Variants in MGAT5 observed in about 807,000 individuals in gnomAD.
MGAT5 encodes the protein alpha-1,6-mannosylglycoprotein 6-beta-N-acetylglucosaminyltransferase A.
Under a neutral mutation model 94.3 loss-of-function variants are expected in MGAT5, and 30 were observed. The ratio of observed to expected loss-of-function variants is 0.32; its 90% confidence interval spans 0.24 to 0.43. The LOEUF (loss-of-function observed/expected upper bound fraction) is 0.43. Ranked by LOEUF, MGAT5 falls within the 20% of genes least tolerant of loss-of-function variation. MGAT5 has a pLI of 1.00. For synonymous variants in MGAT5, 310 were observed against 322.9 expected, an observed-to-expected ratio of 0.96 and a Z score of 0.43; for missense variants, 691 against 905.5, an observed-to-expected ratio of 0.76 and a Z score of 3.04.
intron 1 of MGAT5, among the ~76,000 whole-genome samples, chr2:134,222,346 G>GA (rs202225094): frequency 0.015 from 2,295 of 150,002 alleles, 23 homozygotes; most frequent in Middle Eastern, 0.031. Context: ...CAATCAGCCA[G>GA]AAAAAAAAAC....
At chr2:134,251,379 G>A (rs1682583566), upstream of MGAT5, among the ~76,000 whole-genome samples, 1 of 152,182 alleles carries the variant, frequency 6.6e-6, no homozygotes, top group Non-Finnish European at 1.5e-5. Context: ...GAAGGAAAGA[G>A]GGCAGGTGCT....
chr2:134,188,274 A>T (rs1341314295), intron 1 of MGAT5, among the ~76,000 whole-genome samples: 1 of 152,254 alleles, frequency 6.6e-6, no homozygotes, highest in Non-Finnish European at 1.5e-5. Context: ...AGGGCCCTCA[A>T]GGGTAGGCAG....
intron 4 of MGAT5, among the ~76,000 whole-genome samples, chr2:134,332,106 C>T (rs1325371621): frequency 1.3e-5 from 2 of 152,036 alleles, no homozygotes; most frequent in Non-Finnish European, 2.9e-5. Flanking sequence ...TCATATGGAA[C>T]CAAAAAAGAG....
intron 1 of MGAT5, among the ~76,000 whole-genome samples, chr2:134,242,773 G>A (rs193081039): frequency 1.1e-3 from 161 of 152,266 alleles, no homozygotes; most frequent in African/African-American, 3.6e-3. Flanking sequence ...CGAGGCTTTT[G>A]GGCTAGCCTC....
chr2:134,344,127 G>A (rs1256273757), intron 7 of MGAT5, among the ~76,000 whole-genome samples: 2 of 152,170 alleles, frequency 1.3e-5, no homozygotes, highest in African/African-American at 4.8e-5. Flanking sequence ...AAGCAACAGT[G>A]GTGACTGATT....
rs1444843118 is a variant in MGAT5, at chr2:134,453,186, A to G, written c.*4339A>G. 6.6e-6 allele frequency: 1 copy of G among 152,236 alleles called. No homozygotes were observed. Among genetic ancestry groups the G allele is most frequent in the Admixed American group, 6.5e-5 (1 of 15,290 alleles). The allele number at this position is 152,236 out of a possible 1,614,324, so 9.4% of individuals were successfully genotyped here. On this transcript the variant is annotated 3_prime_UTR_variant, in exon 16 of 16. Transcript: ENST00000281923. ...TCAAAAATAATACCTACATGAAAAC[A>G]TGATTCCAAGTTGATTGAATGTTGT... is the stretch of plus-strand genomic sequence containing the variant.
intron 10 of MGAT5, among the ~76,000 whole-genome samples, chr2:134,366,734 G>T (rs1328945719): frequency 6.6e-6 from 1 of 152,254 alleles, no homozygotes; most frequent in Non-Finnish European, 1.5e-5. Context: ...GCATCCAGGT[G>T]ATACCGGTGG....
At chr2:134,313,037 AACACACACACACACACAC>A (rs201311442) in intron 2 of MGAT5, among the ~76,000 whole-genome samples, 3,525 of 139,010 alleles carry the variant, frequency 0.025, 45 homozygotes, top group South Asian at 0.033. Context: ...GCAAGAAATA[AACACACACACACACACAC>A]ACACACACAC....
chr2:134,150,782 A>G (rs1457395627), intron 1 of MGAT5, among the ~76,000 whole-genome samples: 1 of 152,252 alleles, frequency 6.6e-6, no homozygotes, highest in East Asian at 1.9e-4. Context: ...GCTTTTCACA[A>G]GATAATAATA....
chr2:134,438,901 C>G (rs965221298), intron 14 of MGAT5, among the ~76,000 whole-genome samples: 1 of 152,146 alleles, frequency 6.6e-6, no homozygotes, highest in Non-Finnish European at 1.5e-5. Context: ...TTAGACCTTC[C>G]TGGAATTCTA....
intron 10 of MGAT5, among the ~76,000 whole-genome samples, chr2:134,390,865 A>G (rs942900191): frequency 1.3e-5 from 2 of 151,752 alleles, no homozygotes; most frequent in African/African-American, 4.8e-5. Context: ...GCCATTTCCA[A>G]CCTCTCTGTA....
intron 10 of MGAT5, among the ~76,000 whole-genome samples, chr2:134,366,245 A>G (rs371124920): frequency 4.6e-5 from 7 of 152,336 alleles, no homozygotes; most frequent in African/African-American, 1.7e-4. Context: ...ATTCTTTTAA[A>G]TAAAGTCATC....
chr2:134,303,964 C>T (rs1410708013), intron 2 of MGAT5, among the ~76,000 whole-genome samples: 1 of 152,164 alleles, frequency 6.6e-6, no homozygotes, highest in African/African-American at 2.4e-5. Flanking sequence ...CAAATCCCTT[C>T]TAGTTTCTGC....
chr2:134,269,902 C>A (rs1558747572), intron 1 of MGAT5, among the ~76,000 whole-genome samples: 1 of 152,184 alleles, frequency 6.6e-6, no homozygotes, highest in East Asian at 1.9e-4. Flanking sequence ...GGAGCTGTAG[C>A]TTTTATGAAG....
intron 1 of MGAT5, among the ~76,000 whole-genome samples, chr2:134,237,143 G>GTGTGTGTGTA (rs1681685658): frequency 7.3e-6 from 1 of 136,840 alleles, no homozygotes; most frequent in African/African-American, 2.6e-5. Context: ...GTGTGTGTGT[G>GTGTGTGTGTA]TGTGTGCGCG....
intron 1 of MGAT5, among the ~76,000 whole-genome samples, chr2:134,216,008 C>CT (rs1479147298): frequency 6.6e-6 from 1 of 152,084 alleles, no homozygotes; most frequent in Non-Finnish European, 1.5e-5. Flanking sequence ...TCTCCACTGT[C>CT]TTTAGACGGT....
At chr2:134,296,166 G>A (rs562068356) in intron 2 of MGAT5, among the ~76,000 whole-genome samples, 6 of 152,246 alleles carry the variant, frequency 3.9e-5, no homozygotes, top group African/African-American at 1.2e-4. Flanking sequence ...AGGCCAAGTC[G>A]ACTCTAGTTT....
At chr2:134,253,965 CTGTCT>C (rs1294136541), upstream of MGAT5, among the ~76,000 whole-genome samples, 6 of 152,248 alleles carry the variant, frequency 3.9e-5, no homozygotes, top group African/African-American at 1.4e-4. Flanking sequence ...AAATATCCTT[CTGTCT>C]CCTCCCCACC....
At chr2:134,258,342 T>C (rs542520863) in intron 1 of MGAT5, among the ~76,000 whole-genome samples, 2 of 152,376 alleles carry the variant, frequency 1.3e-5, no homozygotes, top group Admixed American at 6.5e-5. Flanking sequence ...AAGTTCCTTA[T>C]TGATTCAACT....
Sources: gnomAD v4.1 joint callset for allele counts (sites outside exome capture counted in the v4.1 genomes callset) on GRCh38, gnomAD v4.1.1 for gene constraint, MANE v1.5 for transcripts, NCBI Gene and HGNC (gene_info 2026-07-23, HGNC 2026-07-21) for gene names.